ZNF382: variants seen among roughly 807,000 people sequenced by gnomAD.
The protein encoded by ZNF382 is zinc finger protein 382, also known as KRAB/zinc finger suppressor protein 1.
Under a neutral mutation model 38.8 loss-of-function variants are expected in ZNF382, and 20 were observed. The observed-to-expected ratio is 0.51, with a 90% CI of 0.36 to 0.75. The LOEUF (loss-of-function observed/expected upper bound fraction) is 0.75. ZNF382 is among the 30% of genes least tolerant of loss of function. The pLI, the probability that ZNF382 is intolerant of heterozygous loss-of-function variation, is 0.00. For synonymous variants in ZNF382, 202 were observed against 223.1 expected, an observed-to-expected ratio of 0.91 and a Z score of 0.84; for missense variants, 546 against 654.1, an observed-to-expected ratio of 0.83 and a Z score of 1.80.
intron 1 of ZNF382, among the ~76,000 whole-genome samples, chr19:36,606,311 A>ATT (rs71171460): frequency 2.9e-5 from 4 of 138,722 alleles, no homozygotes; most frequent in East Asian, 4.3e-4. Context: ...CATGCAGGAA[A>ATT]TTTTTTTTTT....
Position 36,611,947 on chromosome 19 carries a change from G to A in ZNF382, c.232+1205G>A, listed in dbSNP as rs373635113. Among the ~76,000 whole-genome samples, 6 of 152,090 alleles carry A rather than the reference G, an allele frequency of 3.9e-5. No individual in the cohort carries two copies. In the East Asian group the frequency reaches 7.7e-4, roughly 20 times the overall value. ...TATCACTCCCCATGTAAATCTTTTC[G>A]TTGTTTGCCTGGGTTTGTGGAAATA... is the stretch of plus-strand genomic sequence containing the variant. On this transcript the variant is annotated intron_variant, in intron 4 of 4. Coordinates refer to ENST00000292928, the MANE Select transcript of ZNF382 (RefSeq NM_032825.5).
Position 36,607,603 on chromosome 19 carries a change from A to G in ZNF382, c.-33A>G, listed in dbSNP as rs1439152530. On this transcript the variant is annotated 5_prime_UTR_variant, in exon 2 of 5. Transcript: ENST00000292928. ...CTCAAAAGAGAAAGTTCATCTAGAAATCTCAAAGCCATGTCTCAGGTGAGA... is the reference window on the plus strand; with the variant it reads ...CTCAAAAGAGAAAGTTCATCTAGAAGTCTCAAAGCCATGTCTCAGGTGAGA... 4 of 1,532,248 alleles carry G rather than the reference A, an allele frequency of 2.6e-6. No individual in the cohort carries two copies. Among genetic ancestry groups the G allele is most frequent in the South Asian group, 1.2e-5 (1 of 83,298 alleles). The allele number at this position is 1,532,248 out of a possible 1,614,324, so 94.9% of individuals were successfully genotyped here.
intron 4 of ZNF382, among the ~76,000 whole-genome samples, chr19:36,624,963 G>T (rs2037198023): frequency 6.6e-6 from 1 of 150,952 alleles, no homozygotes; most frequent in Non-Finnish European, 1.5e-5. Context: ...AGATACTTGG[G>T]AGGCTGAGGT....
Position 36,629,636 on chromosome 19 carries a change from A to G in ZNF382, c.*2086A>G, listed in dbSNP as rs2037240598. The G allele has an allele frequency of 6.6e-6, 1 of 152,176 alleles. No homozygotes were observed. Among genetic ancestry groups the G allele is most frequent in the Non-Finnish European group, 1.5e-5 (1 of 68,040 alleles). The allele number at this position is 152,176 out of a possible 1,614,324, so 9.4% of individuals were successfully genotyped here. ...AATTTTTTAGTATCTGTTAATATATAATAAAAATAAAGGTATAAGCCTGGG... is the reference window on the plus strand; with the variant it reads ...AATTTTTTAGTATCTGTTAATATATGATAAAAATAAAGGTATAAGCCTGGG... On this transcript the variant is annotated 3_prime_UTR_variant, in exon 5 of 5. Transcript: ENST00000292928.
Position 36,606,358 on chromosome 19 carries a change from GT to G in ZNF382, c.-85+1017del, listed in dbSNP as rs943353627. ...TACCATAACTACCACTTTTGTTGTT[GT>G]TTTTTGTTTGTTTTAAGACAAGGTC... On this transcript the variant is annotated intron_variant, in intron 1 of 4. Transcript: ENST00000292928. Among the ~76,000 whole-genome samples the G allele has an allele frequency of 1.1e-4, 12 of 111,232 alleles. 1 individual carries two copies. In the South Asian group the frequency reaches 1.8e-3, roughly 17 times the overall value. 73.0% of individuals were successfully genotyped at this position (111,232 alleles called of 152,430 possible). A position where few individuals can be genotyped will look rare whatever the true frequency, so the allele number is the denominator to read the frequency against.
chr19:36,620,465 C>T (rs2145327907), intron 4 of ZNF382, among the ~76,000 whole-genome samples: 1 of 152,300 alleles, frequency 6.6e-6, no homozygotes, highest in South Asian at 2.1e-4. Context: ...TTAGGCCTCT[C>T]ATTGGTCCTT....
chr19:36,606,079 T>C (rs2037021263), intron 1 of ZNF382, among the ~76,000 whole-genome samples: 2 of 152,184 alleles, frequency 1.3e-5, no homozygotes, highest in African/African-American at 4.8e-5. Flanking sequence ...ATTGAGGAAC[T>C]CTGTTATGAC....
At chr19:36,607,297 T>C (rs2037042005) in intron 1 of ZNF382, among the ~76,000 whole-genome samples, 1 of 152,070 alleles carries the variant, frequency 6.6e-6, no homozygotes, top group African/African-American at 2.4e-5. Context: ...AAAAACACAG[T>C]GTTCCCTCTC....
rs750771987 is a variant in ZNF382, at chr19:36,630,225, T to A, written c.*2675T>A. ...AAGAAAGGCAGGATAATGCGATCTA[T>A]CCTCAAAAGACCCCGTGCTGTCATT... On this transcript the variant is annotated 3_prime_UTR_variant, in exon 5 of 5. Transcript: ENST00000292928. 8 of 152,084 alleles carry A rather than the reference T, an allele frequency of 5.3e-5. No homozygotes were observed. The highest frequency in any genetic ancestry group is 1.2e-4 in the Non-Finnish European group (8 of 68,024). 9.4% of individuals were successfully genotyped at this position (152,084 alleles called of 1,614,324 possible).
In ZNF382 at chr19:36,625,304, G is replaced by A. The variant is rs538933797; in HGVS notation, c.233-826G>A. ...AGACTAATGTTTCTGTAAACACTAG[G>A]AAATGAGCTGAGAAAGTTCATTTAC... On this transcript the variant is annotated intron_variant, in intron 4 of 4. Transcript: ENST00000292928. Among the ~76,000 whole-genome samples the A allele has an allele frequency of 5.3e-5, 8 of 151,490 alleles. No individual in the cohort carries two copies. In the East Asian group the frequency reaches 1.6e-3, roughly 29 times the overall value.
chr19:36,613,040 C>G (rs2037091642), intron 4 of ZNF382, among the ~76,000 whole-genome samples: 1 of 152,212 alleles, frequency 6.6e-6, no homozygotes, highest in Non-Finnish European at 1.5e-5. Context: ...ATCCGCCCAC[C>G]TTGGCCTCCC....
Position 36,630,631 on chromosome 19 carries a change from C to A in ZNF382, c.*3081C>A. The stretch of plus-strand genomic sequence containing the variant: ...TACAGGTGTGAGCCACCGCACCCAG[C>A]CGAAATTGTGTTTTCTAAAGCTATT... On this transcript the variant is annotated 3_prime_UTR_variant, in exon 5 of 5. Transcript: ENST00000292928. 6.6e-6 allele frequency: 1 copy of A among 152,102 alleles called. No individual in the cohort carries two copies. Among genetic ancestry groups the A allele is most frequent in the Non-Finnish European group, 1.5e-5 (1 of 68,022 alleles). 9.4% of individuals were successfully genotyped at this position (152,102 alleles called of 1,614,324 possible).
At position 36,626,909 on chromosome 19, in the gene ZNF382, G is replaced by A; in HGVS notation, c.1012G>A (p.Ala338Thr). 2 of 1,614,116 alleles carry A rather than the reference G, an allele frequency of 1.2e-6. No individual in the cohort carries two copies. The highest frequency in any genetic ancestry group is 1.7e-6 in the Non-Finnish European group (2 of 1,179,964). ...TGGAAAGGCCTTCCGTCAGAAGACA[G>A]CCCTCACCCTTCATGAGAAAACACA... ...QCGKAFRQKT[A>T]LTLHEKTHIE... Residue 338 changes from alanine (A) to threonine (T), a missense_variant, in exon 5 of 5, where the codon GCC becomes ACC. By Grantham distance (58) the Ala-to-Thr change is moderately conservative (BLOSUM62 0). Coordinates refer to ENST00000292928, the MANE Select transcript of ZNF382 (RefSeq NM_032825.5).
chr19:36,632,068 C>G lies in ZNF382; in HGVS notation c.*4518C>G, dbSNP rs2037257212. 1 of 152,180 alleles carries G rather than the reference C, an allele frequency of 6.6e-6. No homozygotes were observed. Among genetic ancestry groups the G allele is most frequent in the Admixed American group, 6.5e-5 (1 of 15,272 alleles). The allele number at this position is 152,180 out of a possible 1,614,324, so 9.4% of individuals were successfully genotyped here. A position where few individuals can be genotyped will look rare whatever the true frequency, so the allele number is the denominator to read the frequency against. ...GCTCAGAATCATCTAGCTGCACATT[C>G]CTCAGTGGTTTTATTCACACACAGA... On this transcript the variant is annotated 3_prime_UTR_variant, in exon 5 of 5. Transcript: ENST00000292928.
At chr19:36,609,792 A>G in intron 2 of ZNF382, 110 bp from the exon 3 acceptor site, 1 of 966,514 alleles carries the variant, frequency 1.0e-6, no homozygotes, top group Non-Finnish European at 1.5e-6. Flanking sequence ...GTATTTTCAG[A>G]GAGAATTTTA....
rs1487835155 is a variant in ZNF382 at position 36,628,015 on chromosome 19, C to CT, written c.*466dup. The CT allele has an allele frequency of 6.4e-6, 1 of 156,596 alleles. No individual in the cohort carries two copies. The highest frequency in any genetic ancestry group is 1.9e-4 in the East Asian group (1 of 5,302). The allele number at this position is 156,596 out of a possible 1,614,324, so 9.7% of individuals were successfully genotyped here. Reference sequence around the variant, plus strand: ...TCACAGTTGACCATGATTCTGACTTCTAACATTACAAATTAGTTTTTACTA... The same window carrying CT: ...TCACAGTTGACCATGATTCTGACTTCTTAACATTACAAATTAGTTTTTACTA... On this transcript the variant is annotated 3_prime_UTR_variant, in exon 5 of 5. Transcript: ENST00000292928.
chr19:36,611,467 T>C (rs1199474871), intron 4 of ZNF382, among the ~76,000 whole-genome samples: 1 of 152,166 alleles, frequency 6.6e-6, no homozygotes, highest in East Asian at 1.9e-4. Context: ...GTCCTCCAGG[T>C]TCATCTATTT....
In ZNF382 at chr19:36,627,309, A is replaced by G. The variant is rs1241236547; in HGVS notation, c.1412A>G (p.Lys471Arg). Reference sequence around the variant, plus strand: ...CCCTATATTTGTAATGAATGTGGGAAGTCCTTCCGCCAGAAGGCAATCCTC... The same window carrying G: ...CCCTATATTTGTAATGAATGTGGGAGGTCCTTCCGCCAGAAGGCAATCCTC... ...EKPYICNECG[K>R]SFRQKAILTV... The change falls in exon 5 of 5, where the codon AAG (lysine) becomes AGG (arginine). Residue 471 changes from lysine to arginine, a missense_variant. Physicochemically the swap from Lys to Arg is conservative, Grantham distance 26. Transcript: ENST00000292928. 1.9e-6 allele frequency: 3 copies of G among 1,614,194 alleles called. No individual in the cohort carries two copies. The South Asian group carries it at 3.3e-5, about 18-fold the overall frequency.
rs1325687207 is a variant in ZNF382 at position 36,627,153 on chromosome 19, A to G, written c.1256A>G (p.Gln419Arg). 1 of 1,614,178 alleles carries G rather than the reference A, an allele frequency of 6.2e-7. No individual in the cohort carries two copies. The highest frequency in any genetic ancestry group is 1.1e-5 in the South Asian group (1 of 91,080). ...AATGAGTGTGGGAAGGCATTTATCC[A>G]GAAGACAACCCTCACTGTTCATCAG... ...QCNECGKAFIQKTTLTVHQRT... is the reference protein window; with the variant it reads ...QCNECGKAFIRKTTLTVHQRT... Residue 419 changes from glutamine to arginine, a missense_variant, in exon 5 of 5, where the codon CAG (glutamine) becomes CGG (arginine). By Grantham distance (43) the Gln-to-Arg change is conservative. Transcript: ENST00000292928.
Sources: allele counts gnomAD v4.1 joint callset (sites outside exome capture counted in the v4.1 genomes callset), GRCh38; gene constraint gnomAD v4.1.1; transcripts MANE v1.5; gene names NCBI Gene and HGNC (gene_info 2026-07-23, HGNC 2026-07-21).